The following L3MBTL4 variants were observed in gnomAD, a reference collection of about 807,000 sequenced individuals.
L3MBTL4 encodes lethal(3)malignant brain tumor-like protein 4.
Under a neutral mutation model 84.5 loss-of-function variants are expected in L3MBTL4, and 70 were observed. The ratio of observed to expected loss-of-function variants is 0.83; its 90% confidence interval spans 0.68 to 1.01. The LOEUF (loss-of-function observed/expected upper bound fraction) is 1.01. Among genes scored for constraint, L3MBTL4 ranks in the 50% least tolerant of loss-of-function variants. The pLI is 0.00. For synonymous variants in L3MBTL4, 274 were observed against 259.8 expected, an observed-to-expected ratio of 1.05 and a Z score of -0.52; for missense variants, 715 against 754.8, an observed-to-expected ratio of 0.95 and a Z score of 0.62.
At chr18:6,401,889 G>A (rs965469834) in intron 1 of L3MBTL4, among the ~76,000 whole-genome samples, 10 of 152,320 alleles carry the variant, frequency 6.6e-5, no homozygotes, top group South Asian at 6.2e-4. Flanking sequence ...AGAACCAGGG[G>A]CGCAGCGCCA....
intron 13 of L3MBTL4, among the ~76,000 whole-genome samples, chr18:6,144,191 A>G (rs1236810620): frequency 7.9e-5 from 10 of 126,894 alleles, no homozygotes; most frequent in African/African-American, 1.2e-4. Flanking sequence ...GTGAGACTCC[A>G]TCTCCAAAAA....
intron 16 of L3MBTL4, among the ~76,000 whole-genome samples, chr18:6,055,147 AAG>A (rs2056977048): frequency 6.6e-6 from 1 of 152,214 alleles, no homozygotes; most frequent in African/African-American, 2.4e-5. Context: ...TTACATATGA[AAG>A]AGAAACCATT....
At position 6,092,244 on chromosome 18, in the gene L3MBTL4, A is replaced by G. The variant is rs1218685296; in HGVS notation, c.1373+1111T>C. Reference sequence around the variant, plus strand: ...TGTCACCCAAATGCTCTAAAATAACATGTGCATGAATAAAAATAAAAATCC... The same window carrying G: ...TGTCACCCAAATGCTCTAAAATAACGTGTGCATGAATAAAAATAAAAATCC... On this transcript the variant is annotated intron_variant, in intron 15 of 18. Coordinates refer to ENST00000317931, the MANE Select transcript of L3MBTL4 (RefSeq NM_001330559.2). Among the ~76,000 whole-genome samples, 16 of 152,336 alleles carry G rather than the reference A, an allele frequency of 1.1e-4. 1 individual carries two copies. The highest frequency in any genetic ancestry group is 8.8e-5 in the Non-Finnish European group (6 of 68,026).
intron 14 of L3MBTL4, among the ~76,000 whole-genome samples, chr18:6,116,427 G>A (rs2059363411): frequency 6.8e-6 from 1 of 147,538 alleles, no homozygotes; most frequent in South Asian, 2.2e-4. Flanking sequence ...AGTGGCACAC[G>A]ATCTCAGTTC....
intron 3 of L3MBTL4, among the ~76,000 whole-genome samples, chr18:6,310,015 G>C (rs1387025661): frequency 1.3e-5 from 2 of 152,178 alleles, no homozygotes; most frequent in Non-Finnish European, 2.9e-5. Context: ...CCCACCCCTA[G>C]AGTAGCTGAT....
chr18:5,976,095 C>T (rs2052914917), intron 16 of L3MBTL4, among the ~76,000 whole-genome samples: 1 of 152,190 alleles, frequency 6.6e-6, no homozygotes, highest in African/African-American at 2.4e-5. Flanking sequence ...TGCCCCACAC[C>T]TGTGTACTAT....
intron 13 of L3MBTL4, among the ~76,000 whole-genome samples, chr18:6,150,424 T>TAC (rs111558666): frequency 0.086 from 12,907 of 149,346 alleles, 719 homozygotes; most frequent in Non-Finnish European, 0.13. Context: ...TGTTTGAGAA[T>TAC]ACACACACAC....
chr18:5,978,130 T>C (rs1455524535), intron 16 of L3MBTL4, among the ~76,000 whole-genome samples: 4 of 152,218 alleles, frequency 2.6e-5, no homozygotes, highest in African/African-American at 7.2e-5. Context: ...TGCTGACTTA[T>C]TCTGCACCAG....
At chr18:6,131,760 T>C (rs992468819) in intron 14 of L3MBTL4, among the ~76,000 whole-genome samples, 32 of 152,222 alleles carry the variant, frequency 2.1e-4, no homozygotes, top group African/African-American at 7.7e-4. Flanking sequence ...CGCAAGTGCA[T>C]GTATATAATA....
At chr18:6,390,413 C>G (rs752379548) in intron 1 of L3MBTL4, among the ~76,000 whole-genome samples, 11 of 151,978 alleles carry the variant, frequency 7.2e-5, no homozygotes, top group Non-Finnish European at 1.2e-4. Context: ...TGTCACACTT[C>G]AGGGAACTAG....
At chr18:5,958,120 A>AGAG (rs1304227172) in intron 18 of L3MBTL4, among the ~76,000 whole-genome samples, 1 of 52,736 alleles carries the variant, frequency 1.9e-5, no homozygotes, top group Non-Finnish European at 3.8e-5. Flanking sequence ...AAGAAGAAGA[A>AGAG]GAAGAAGAAA....
chr18:6,225,714 C>T (rs2046753635), intron 10 of L3MBTL4, among the ~76,000 whole-genome samples: 1 of 147,284 alleles, frequency 6.8e-6, no homozygotes, highest in Admixed American at 6.8e-5. Context: ...GAGCCAAGGT[C>T]GTGCCACTGC....
chr18:5,994,490 C>T (rs1050694489), intron 16 of L3MBTL4, among the ~76,000 whole-genome samples: 6 of 152,200 alleles, frequency 3.9e-5, no homozygotes, highest in Admixed American at 3.9e-4. Context: ...TCAAAATTAT[C>T]AGCCCCATTA....
At chr18:6,199,836 G>A (rs950887111) in intron 12 of L3MBTL4, among the ~76,000 whole-genome samples, 5 of 152,166 alleles carry the variant, frequency 3.3e-5, no homozygotes, top group African/African-American at 1.2e-4. Flanking sequence ...ATTTGCTTAC[G>A]GGTGATAGCA....
chr18:6,049,202 T>C (rs2056753961), intron 16 of L3MBTL4, among the ~76,000 whole-genome samples: 1 of 152,158 alleles, frequency 6.6e-6, no homozygotes, highest in African/African-American at 2.4e-5. Context: ...ATATTGGCCT[T>C]GAATTTGACT....
intron 16 of L3MBTL4, among the ~76,000 whole-genome samples, chr18:6,072,587 T>G (rs1234767542): frequency 6.6e-6 from 1 of 151,356 alleles, no homozygotes; most frequent in African/African-American, 2.4e-5. Flanking sequence ...ACGCTTGTAA[T>G]CCCAGCACTC....
At chr18:6,410,728 CT>C (rs1423570926) in intron 1 of L3MBTL4, among the ~76,000 whole-genome samples, 1 of 152,222 alleles carries the variant, frequency 6.6e-6, no homozygotes, top group African/African-American at 2.4e-5. Flanking sequence ...CCACCTGATA[CT>C]TTTCAAACAA....
At chr18:6,358,417 GCCCACTACCTAGTCAAAAGT>G (rs2053539332) in intron 1 of L3MBTL4, among the ~76,000 whole-genome samples, 1 of 152,050 alleles carries the variant, frequency 6.6e-6, no homozygotes, top group African/African-American at 2.4e-5. Context: ...CTGCACCTTG[GCCCACTACCTAGTCAAAAGT>G]CCCCTCCAAA....
chr18:6,383,809 G>A (rs1236292097), intron 1 of L3MBTL4, among the ~76,000 whole-genome samples: 1 of 151,968 alleles, frequency 6.6e-6, no homozygotes, highest in Non-Finnish European at 1.5e-5. Flanking sequence ...TTTTTGCTTT[G>A]GTAAGTTTCT....
Sources: allele counts gnomAD v4.1 joint callset (sites outside exome capture counted in the v4.1 genomes callset), GRCh38; gene constraint gnomAD v4.1.1; transcripts MANE v1.5; gene names NCBI Gene and HGNC (gene_info 2026-07-23, HGNC 2026-07-21).